Variants in RPS6KA3 observed in about 807,000 individuals in gnomAD.
RPS6KA3 encodes the protein ribosomal protein S6 kinase alpha-3.
RPS6KA3 carries 4 observed loss-of-function variants against 67.2 expected under a neutral mutation model. The observed-to-expected ratio is 0.06, with a 90% CI of 0.03 to 0.14. The LOEUF (loss-of-function observed/expected upper bound fraction) is 0.14, where lower values mean the gene tolerates loss of function less well. RPS6KA3 is among the 10% of genes least tolerant of loss of function. RPS6KA3 has a pLI of 1.00. For synonymous variants in RPS6KA3, 182 were observed against 183.7 expected, an observed-to-expected ratio of 0.99 and a Z score of 0.07; for missense variants, 204 against 559.0, an observed-to-expected ratio of 0.36 and a Z score of 6.40.
chrX:20,179,476 G>T (rs1440673223), intron 10 of RPS6KA3, among the ~76,000 whole-genome samples: 5 of 111,077 alleles, frequency 4.5e-5, no homozygotes, highest in Non-Finnish European at 9.4e-5. Context: ...CATTTAAAAG[G>T]TAGTCAGAAA....
chrX:20,212,445 C>G (rs1001073798), intron 2 of RPS6KA3, among the ~76,000 whole-genome samples: 1 of 111,272 alleles, frequency 9.0e-6, no homozygotes, highest in African/African-American at 3.3e-5. Flanking sequence ...TTGCAGTGAG[C>G]CAAGATCACG....
At chrX:20,232,105 C>T (rs998247277) in intron 2 of RPS6KA3, among the ~76,000 whole-genome samples, 2 of 111,934 alleles carry the variant, frequency 1.8e-5, no homozygotes, top group African/African-American at 6.5e-5. Context: ...AGATTTCTAC[C>T]TCATACCAGG....
At chrX:20,207,794 G>A (rs1019783153) in intron 3 of RPS6KA3, among the ~76,000 whole-genome samples, 2 of 111,968 alleles carry the variant, frequency 1.8e-5, no homozygotes, top group Non-Finnish European at 3.8e-5. Flanking sequence ...CATCCTTTTG[G>A]GTTCAAAAGA....
chrX:20,209,709 C>G (rs1362463009), intron 2 of RPS6KA3, among the ~76,000 whole-genome samples: 1 of 111,792 alleles, frequency 8.9e-6, no homozygotes. Flanking sequence ...TTCATTCTCT[C>G]TACTGGAGAT....
At chrX:20,208,348 G>C (rs2068623305) in intron 3 of RPS6KA3, among the ~76,000 whole-genome samples, 1 of 111,064 alleles carries the variant, frequency 9.0e-6, no homozygotes, top group Non-Finnish European at 1.9e-5. Context: ...ATGGAGTACA[G>C]AAGTGCCCCT....
chrX:20,172,118 A>G (rs139654698), intron 15 of RPS6KA3, among the ~76,000 whole-genome samples: 1,679 of 112,168 alleles, frequency 0.015, 29 homozygotes, highest in African/African-American at 0.05. Flanking sequence ...AGCTTTAGAC[A>G]TTGTTTGAAT....
chrX:20,218,876 C>A (rs200956541), intron 2 of RPS6KA3: 1 of 1,159,701 alleles, frequency 8.6e-7, no homozygotes, highest in Non-Finnish European at 1.2e-6. Flanking sequence ...GAATTTCTGA[C>A]GGTAAAACTT....
intron 16 of RPS6KA3, 30 bp from the exon 17 acceptor site, chrX:20,167,777 T>C (rs1444465919): frequency 1.0e-6 from 1 of 988,745 alleles, no homozygotes; most frequent in African/African-American, 1.9e-5. Flanking sequence ...AATGTAAATA[T>C]TATTTGAAAC....
chrX:20,220,043 T>C (rs1406638034), intron 2 of RPS6KA3, among the ~76,000 whole-genome samples: 1 of 111,500 alleles, frequency 9.0e-6, no homozygotes, highest in Non-Finnish European at 1.9e-5. Context: ...TATTTGGTGA[T>C]AGAGCTATCT....
At chrX:20,189,311 C>G (rs1371725024) in intron 7 of RPS6KA3, among the ~76,000 whole-genome samples, 1 of 112,276 alleles carries the variant, frequency 8.9e-6, no homozygotes, top group Non-Finnish European at 1.9e-5. Flanking sequence ...GTGTACAGTA[C>G]AAACAAGAAA....
At chrX:20,256,697 A>T (rs763548886) in intron 1 of RPS6KA3, among the ~76,000 whole-genome samples, 10 of 112,033 alleles carry the variant, frequency 8.9e-5, no homozygotes, top group Non-Finnish European at 1.5e-4. Context: ...ACTCAGTTTT[A>T]CTAACTTTTT....
chrX:20,252,107 GTTTA>G (rs780319870), intron 1 of RPS6KA3, among the ~76,000 whole-genome samples: 3 of 111,978 alleles, frequency 2.7e-5, no homozygotes, highest in Non-Finnish European at 5.6e-5. Flanking sequence ...CATGTAGTAA[GTTTA>G]TTTGTTACTG....
chrX:20,235,493 C>T (rs1037604952), intron 1 of RPS6KA3: 1 of 109,922 alleles, frequency 9.1e-6, no homozygotes, highest in African/African-American at 3.3e-5. Context: ...TTTTACAAAC[C>T]TGTAAGAAAA....
intron 2 of RPS6KA3, among the ~76,000 whole-genome samples, chrX:20,221,928 A>AACC (rs901494820): frequency 2.7e-5 from 3 of 112,612 alleles, no homozygotes; most frequent in African/African-American, 9.7e-5. Flanking sequence ...ATAAGGAAGG[A>AACC]ACCACATCAA....
intron 2 of RPS6KA3, among the ~76,000 whole-genome samples, chrX:20,210,683 A>G (rs1320484926): frequency 8.9e-6 from 1 of 111,851 alleles, no homozygotes; most frequent in Non-Finnish European, 1.9e-5. Flanking sequence ...CCTACTACTT[A>G]GGCAGTTCAA....
In RPS6KA3 at chrX:20,155,233, A is replaced by T; in HGVS notation, c.*165T>A. 1.7e-6 allele frequency: 1 copy of T among 573,279 alleles called. No individual in the cohort carries two copies. Among genetic ancestry groups the T allele is most frequent in the Non-Finnish European group, 3.0e-6 (1 of 336,523 alleles). 47.2% of individuals were successfully genotyped at this position (573,279 alleles called of 1,213,427 possible). A position where few individuals can be genotyped will look rare whatever the true frequency, so the allele number is the denominator to read the frequency against. Reference sequence around the variant, plus strand: ...AAATCTAACTTGCTAACAATCATTTAAAGCGAGAAGAGAGGAAAGCAGGAG... The same window carrying T: ...AAATCTAACTTGCTAACAATCATTTTAAGCGAGAAGAGAGGAAAGCAGGAG... On this transcript the variant is annotated 3_prime_UTR_variant, in exon 22 of 22. Transcript: ENST00000379565.
At position 20,253,394 on chromosome X, in the gene RPS6KA3, C is replaced by A. The variant is rs186211161; in HGVS notation, c.69+13170G>T. Among the ~76,000 whole-genome samples, 642 of 110,946 alleles carry A rather than the reference C, an allele frequency of 5.8e-3. 6 individuals carry two copies. Among genetic ancestry groups the A allele is most frequent in the African/African-American group, 0.02 (618 of 30,448 alleles). On this transcript the variant is annotated intron_variant, in intron 1 of 21. Coordinates refer to ENST00000379565, the MANE Select transcript of RPS6KA3 (RefSeq NM_004586.3). The stretch of plus-strand genomic sequence containing the variant: ...TTTTTGTCTGTGACTGTTGGCAGTT[C>A]TAGTTTGGAGGCTTTCATAGCACCC...
intron 10 of RPS6KA3, among the ~76,000 whole-genome samples, chrX:20,185,076 G>C (rs2067945777): frequency 9.0e-6 from 1 of 111,054 alleles, no homozygotes; most frequent in African/African-American, 3.3e-5. Flanking sequence ...CTACCGAGTA[G>C]TTGGGATTAC....
At chrX:20,188,604 A>C in intron 7 of RPS6KA3, 70 bp from the exon 8 acceptor site, 1 of 548,670 alleles carries the variant, frequency 1.8e-6, no homozygotes, top group South Asian at 2.6e-5. Flanking sequence ...CTGAAATTAC[A>C]TCCTTAAGCA....
Sources: gnomAD v4.1 joint callset for allele counts (sites outside exome capture counted in the v4.1 genomes callset) on GRCh38, gnomAD v4.1.1 for gene constraint, MANE v1.5 for transcripts, NCBI Gene and HGNC (gene_info 2026-07-23, HGNC 2026-07-21) for gene names.